The following ADAMTS12 variants were observed in gnomAD, a reference collection of about 807,000 sequenced individuals.
ADAMTS12 encodes the protein A disintegrin and metalloproteinase with thrombospondin motifs 12.
A neutral mutation model predicts 167.8 loss-of-function variants in ADAMTS12; 118 were observed. That is an observed-to-expected ratio of 0.70 (90% CI 0.61 to 0.82). The LOEUF (loss-of-function observed/expected upper bound fraction) is 0.82. Ranked by LOEUF, ADAMTS12 falls within the 40% of genes least tolerant of loss-of-function variation. ADAMTS12 has a pLI of 0.00. For missense variants in ADAMTS12, 1,916 were observed against 1,998.8 expected (o/e 0.96, Z 0.79); for synonymous variants, 704 against 716.9 (o/e 0.98, Z 0.29).
chr5:33,564,235 T>C (rs1006850186), intron 19 of ADAMTS12, among the ~76,000 whole-genome samples: 5 of 152,034 alleles, frequency 3.3e-5, no homozygotes, highest in African/African-American at 9.7e-5. Context: ...CCTGAACAGA[T>C]AGGATTTAAA....
intron 20 of ADAMTS12, among the ~76,000 whole-genome samples, chr5:33,550,405 C>A (rs1055661907): frequency 6.6e-6 from 1 of 152,186 alleles, no homozygotes; most frequent in African/African-American, 2.4e-5. Flanking sequence ...TGTCTCATGG[C>A]CAGACCTGGC....
Position 33,576,831 on chromosome 5 carries a change from T to C in ADAMTS12, c.3195A>G (p.Lys1065=). 1 of 1,614,212 alleles carries C rather than the reference T, an allele frequency of 6.2e-7. No individual in the cohort carries two copies. Among genetic ancestry groups the C allele is most frequent in the Non-Finnish European group, 8.5e-7 (1 of 1,180,036 alleles). Residue 1065 remains lysine, a synonymous_variant, in exon 19 of 24, where the codon AAA becomes AAG. Coordinates refer to ENST00000504830, the MANE Select transcript of ADAMTS12 (RefSeq NM_030955.4). ...TASKEGDLGG[K]QWQDSSTQPE... ...GTTGGGTTGAGCTATCTTGCCACTGTTTCCCACCCAGGTCTCCTTCTTTGG... is the reference window on the plus strand; with the variant it reads ...GTTGGGTTGAGCTATCTTGCCACTGCTTCCCACCCAGGTCTCCTTCTTTGG...
chr5:33,805,653 G>C (rs1442157556), intron 2 of ADAMTS12, among the ~76,000 whole-genome samples: 1 of 152,202 alleles, frequency 6.6e-6, no homozygotes, highest in African/African-American at 2.4e-5. Flanking sequence ...CACTATTTTT[G>C]TGTCTACTTT....
At chr5:33,556,987 C>T (rs1389435600) in intron 20 of ADAMTS12, among the ~76,000 whole-genome samples, 1 of 152,194 alleles carries the variant, frequency 6.6e-6, no homozygotes, top group Admixed American at 6.5e-5. Context: ...GCAACATGAC[C>T]TTTGGTGTAG....
chr5:33,532,665 T>G (rs1744177106), intron 23 of ADAMTS12, among the ~76,000 whole-genome samples: 1 of 152,126 alleles, frequency 6.6e-6, no homozygotes, highest in South Asian at 2.1e-4. Flanking sequence ...CATGTAGATA[T>G]GTGGAAAGGG....
chr5:33,601,297 T>C (rs755218250), intron 16 of ADAMTS12, among the ~76,000 whole-genome samples: 5 of 152,158 alleles, frequency 3.3e-5, no homozygotes, highest in African/African-American at 4.8e-5. Context: ...AAGATTATAG[T>C]ATAGGGTTGT....
chr5:33,879,578 G>A (rs1427823045), intron 2 of ADAMTS12, among the ~76,000 whole-genome samples: 2 of 152,164 alleles, frequency 1.3e-5, no homozygotes, highest in Non-Finnish European at 2.9e-5. Flanking sequence ...CCAGAGAGAA[G>A]AGGAAAAGAA....
At chr5:33,617,415 C>A (rs1201159865) in intron 14 of ADAMTS12, among the ~76,000 whole-genome samples, 2 of 152,114 alleles carry the variant, frequency 1.3e-5, no homozygotes, top group African/African-American at 2.4e-5. Context: ...GCCTGTCCAG[C>A]AAGAATAATT....
intron 2 of ADAMTS12, among the ~76,000 whole-genome samples, chr5:33,844,174 G>T: frequency 6.6e-6 from 1 of 152,114 alleles, no homozygotes; most frequent in African/African-American, 2.4e-5. Context: ...ACCCTGTGAT[G>T]ATTGCATTAA....
intron 3 of ADAMTS12, among the ~76,000 whole-genome samples, chr5:33,709,299 T>A (rs1261446704): frequency 1.3e-5 from 2 of 152,176 alleles, no homozygotes; most frequent in East Asian, 3.8e-4. Context: ...GTGTGGTGAT[T>A]CCTCAAAGAC....
At position 33,720,576 on chromosome 5, in the gene ADAMTS12, T is replaced by A. The variant is rs116953056; in HGVS notation, c.634+30828A>T. 7.6e-4 allele frequency among the ~76,000 whole-genome samples: 115 copies of A among 152,274 alleles called. No individual in the cohort carries two copies. In the East Asian group the frequency reaches 0.021, roughly 27 times the overall value. On this transcript the variant is annotated intron_variant, in intron 3 of 23. Coordinates refer to ENST00000504830, the MANE Select transcript of ADAMTS12 (RefSeq NM_030955.4). The stretch of plus-strand genomic sequence containing the variant: ...CTTGCCAGATGGAGAGAAGCTGAGG[T>A]GAGCAGCAACAGTATTGGTTCTACT...
intron 14 of ADAMTS12, among the ~76,000 whole-genome samples, chr5:33,617,249 T>C (rs4077002): frequency 0.1 from 15,590 of 152,038 alleles, 1,272 homozygotes; most frequent in East Asian, 0.38. Flanking sequence ...AATACAGTTT[T>C]AAGACATTGA....
Position 33,881,177 on chromosome 5 carries a change from G to A in ADAMTS12, c.431C>T (p.Thr144Met), listed in dbSNP as rs755320251. The A allele has an allele frequency of 1.4e-5, 23 of 1,614,026 alleles. No homozygotes were observed. Among genetic ancestry groups the A allele is most frequent in the East Asian group, 8.9e-5 (4 of 44,894 alleles). ...AACTCTGGTGCCCTGCTGTAGAACC[G>A]TGCCACTGAGATGGCAGAGGGGGGC... Reference protein sequence around the residue: ...SSAPLCHLSGTVLQQGTRVGT... With the variant: ...SSAPLCHLSGMVLQQGTRVGT... The change falls in exon 2 of 24, where the codon ACG becomes ATG. Residue 144 changes from threonine to methionine, a missense_variant. Thr to Met is a moderately conservative substitution (Grantham distance 81, BLOSUM62 -1). Coordinates refer to ENST00000504830, the MANE Select transcript of ADAMTS12 (RefSeq NM_030955.4).
At chr5:33,609,488 A>G (rs969305627) in intron 16 of ADAMTS12, among the ~76,000 whole-genome samples, 1 of 151,132 alleles carries the variant, frequency 6.6e-6, no homozygotes, top group Non-Finnish European at 1.5e-5. Flanking sequence ...CTCATGCCTC[A>G]GCCCCCACAG....
intron 11 of ADAMTS12, among the ~76,000 whole-genome samples, chr5:33,641,095 A>T (rs1428416764): frequency 6.6e-6 from 1 of 152,024 alleles, no homozygotes; most frequent in Admixed American, 6.5e-5. Flanking sequence ...TTAAGAAATT[A>T]CTTGGGAGAC....
chr5:33,736,757 A>G (rs576362754), intron 3 of ADAMTS12, among the ~76,000 whole-genome samples: 1 of 152,336 alleles, frequency 6.6e-6, no homozygotes, highest in South Asian at 2.1e-4. Flanking sequence ...TATAGGGAGC[A>G]TGACTCAGAA....
intron 3 of ADAMTS12, among the ~76,000 whole-genome samples, chr5:33,719,826 C>T (rs927989568): frequency 1.3e-5 from 2 of 152,174 alleles, no homozygotes; most frequent in African/African-American, 4.8e-5. Context: ...ATGCTGTATA[C>T]TTTTTAAAGG....
In ADAMTS12 at chr5:33,771,116, G is replaced by T. The variant is rs545315623; in HGVS notation, c.490-19568C>A. Among the ~76,000 whole-genome samples, 248 of 152,152 alleles carry T rather than the reference G, an allele frequency of 1.6e-3. 4 individuals carry two copies. In the Middle Eastern group the frequency reaches 0.031, roughly 19 times the overall value. ...AGAATTTCAGTTCCCTGATGGGTAG[G>T]GTTTTCATCTATTTTGTTCAATCCT... On this transcript the variant is annotated intron_variant, in intron 2 of 23. Coordinates refer to ENST00000504830, the MANE Select transcript of ADAMTS12 (RefSeq NM_030955.4).
intron 17 of ADAMTS12, 21 bp from the exon 18 acceptor site, chr5:33,588,830 G>A (rs777259981): frequency 1.2e-5 from 19 of 1,610,976 alleles, no homozygotes; most frequent in Admixed American, 6.7e-5. Context: ...ACATGGATAT[G>A]TGAGAGAAGA....
Sources: allele counts gnomAD v4.1 joint callset (sites outside exome capture counted in the v4.1 genomes callset), GRCh38; gene constraint gnomAD v4.1.1; transcripts MANE v1.5; gene names NCBI Gene and HGNC (gene_info 2026-07-23, HGNC 2026-07-21).